Variants in PINX1 observed in about 807,000 individuals in gnomAD.
The protein encoded by PINX1 is PIN2/TERF1-interacting telomerase inhibitor 1.
In PINX1, 34 loss-of-function variants were observed where a neutral mutation model predicts 25.4. The ratio of observed to expected loss-of-function variants is 1.34; its 90% CI spans 1.02 to 1.78. The LOEUF is 1.78. Among genes scored for constraint, PINX1 ranks in the 40% most tolerant of loss-of-function variants. The pLI, the probability that PINX1 is intolerant of heterozygous loss-of-function variation, is 0.00. For missense variants in PINX1, 592 were observed against 404.9 expected (o/e 1.46, Z -3.97); for synonymous variants, 197 against 147.7 (o/e 1.33, Z -2.42).
chr8:10,792,030 C>T (rs1183220516), intron 6 of PINX1, among the ~76,000 whole-genome samples: 3 of 152,190 alleles, frequency 2.0e-5, no homozygotes, highest in Non-Finnish European at 2.9e-5. Flanking sequence ...CCCCTCTCTC[C>T]CGCTCAGGAC....
At chr8:10,828,370 C>T (rs1036068744) in intron 4 of PINX1, among the ~76,000 whole-genome samples, 2 of 152,178 alleles carry the variant, frequency 1.3e-5, no homozygotes, top group African/African-American at 4.8e-5. Flanking sequence ...GTATGAGGGA[C>T]GAGGCGCTGG....
At chr8:10,832,815 G>T in intron 3 of PINX1, 77 bp downstream of exon 3, 1 of 802,108 alleles carries the variant, frequency 1.2e-6, no homozygotes, top group Non-Finnish European at 2.1e-6. Context: ...AGAAGCAGAT[G>T]AACCAATCAA....
At chr8:10,816,766 A>G (rs184605561) in intron 6 of PINX1, among the ~76,000 whole-genome samples, 1 of 152,354 alleles carries the variant, frequency 6.6e-6, no homozygotes, top group Non-Finnish European at 1.5e-5. Flanking sequence ...TAAATGAGAA[A>G]GAGTTCATTA....
At position 10,834,582 on chromosome 8, in the gene PINX1, T is replaced by C. The variant is rs1006935904; in HGVS notation, c.129+84A>G. 5 of 1,503,054 alleles carry C rather than the reference T, an allele frequency of 3.3e-6. No homozygotes were observed. The Admixed American group carries it at 9.4e-5, about 28-fold the overall frequency. The allele number at this position is 1,503,054 out of a possible 1,614,324, so 93.1% of individuals were successfully genotyped here. A position where few individuals can be genotyped will look rare whatever the true frequency, so the allele number is the denominator to read the frequency against. Reference sequence around the variant, plus strand: ...TTACTGATCCAAAGCATAAGTTTCTTCCAGTCTCCTAAGAAGGAAGTTTTC... The same window carrying C: ...TTACTGATCCAAAGCATAAGTTTCTCCCAGTCTCCTAAGAAGGAAGTTTTC... On this transcript the variant is annotated intron_variant, in intron 2 of 6. Transcript: ENST00000314787.
chr8:10,822,057 C>G (rs1797895040), intron 5 of PINX1: 1 of 152,278 alleles, frequency 6.6e-6, no homozygotes, highest in African/African-American at 2.4e-5. Context: ...AAATTTTTAG[C>G]CTTTAGCAAA....
chr8:10,800,445 T>C (rs965529165), intron 6 of PINX1, among the ~76,000 whole-genome samples: 2 of 152,144 alleles, frequency 1.3e-5, no homozygotes, highest in Non-Finnish European at 2.9e-5. Flanking sequence ...ATGGAGTTTA[T>C]TTACATGATC....
chr8:10,789,340 G>C (rs901712570), intron 6 of PINX1, among the ~76,000 whole-genome samples: 3 of 152,222 alleles, frequency 2.0e-5, no homozygotes, highest in African/African-American at 7.2e-5. Context: ...TGTGCCATGT[G>C]ATGTTTTGAC....
chr8:10,823,038 T>C (rs942976526), intron 5 of PINX1, among the ~76,000 whole-genome samples: 1 of 152,156 alleles, frequency 6.6e-6, no homozygotes, highest in Non-Finnish European at 1.5e-5. Flanking sequence ...AAAGACACCA[T>C]AAACCAGGAA....
intron 6 of PINX1, among the ~76,000 whole-genome samples, chr8:10,816,225 C>T (rs1178513050): frequency 6.6e-6 from 1 of 152,164 alleles, no homozygotes; most frequent in Non-Finnish European, 1.5e-5. Context: ...ATGCCAATTT[C>T]CTGGTTTCAT....
intron 1 of PINX1, among the ~76,000 whole-genome samples, chr8:10,839,122 G>T (rs903033629): frequency 1.4e-4 from 22 of 152,150 alleles, no homozygotes; most frequent in Admixed American, 1.3e-3. Context: ...AGAGACAGGG[G>T]TTTCACCGAC....
chr8:10,812,260 G>A (rs1797546381), intron 6 of PINX1, among the ~76,000 whole-genome samples: 1 of 152,220 alleles, frequency 6.6e-6, no homozygotes, highest in African/African-American at 2.4e-5. Flanking sequence ...GCTCAAGTAT[G>A]TAAGAATCAA....
intron 6 of PINX1, among the ~76,000 whole-genome samples, chr8:10,781,036 G>C (rs1427899214): frequency 1.3e-5 from 2 of 152,074 alleles, no homozygotes; most frequent in African/African-American, 4.8e-5. Flanking sequence ...TTAGAGAACT[G>C]AAATAAATCT....
At chr8:10,836,447 G>GT (rs1207406476) in intron 1 of PINX1, among the ~76,000 whole-genome samples, 2 of 152,344 alleles carry the variant, frequency 1.3e-5, no homozygotes, top group Admixed American at 6.5e-5. Flanking sequence ...CAGAGTTCAT[G>GT]TGTCTATGCA....
chr8:10,820,116 G>C (rs924997896), intron 6 of PINX1, 77 bp downstream of exon 6: 2 of 919,186 alleles, frequency 2.2e-6, no homozygotes, highest in Non-Finnish European at 3.6e-6. Context: ...ACTAGTCATA[G>C]ATAGAAACAG....
intron 1 of PINX1, among the ~76,000 whole-genome samples, chr8:10,835,735 G>C (rs1038978270): frequency 1.3e-5 from 2 of 152,044 alleles, no homozygotes; most frequent in African/African-American, 4.8e-5. Context: ...CAATAAATAT[G>C]TGAATGGAAT....
At chr8:10,777,778 G>A (rs968745902) in intron 6 of PINX1, among the ~76,000 whole-genome samples, 3 of 152,148 alleles carry the variant, frequency 2.0e-5, no homozygotes, top group African/African-American at 7.2e-5. Flanking sequence ...CACTTTCATT[G>A]CTTCGCACTC....
chr8:10,788,560 G>A (rs536829322), intron 6 of PINX1, among the ~76,000 whole-genome samples: 1 of 151,376 alleles, frequency 6.6e-6, no homozygotes, highest in Non-Finnish European at 1.5e-5. Context: ...GCAAGACACT[G>A]TCTCAAAAAA....
At chr8:10,795,834 C>G (rs1427200335) in intron 6 of PINX1, among the ~76,000 whole-genome samples, 1 of 150,824 alleles carries the variant, frequency 6.6e-6, no homozygotes, top group African/African-American at 2.4e-5. Context: ...TGACAGTTAG[C>G]AAAAAACAAC....
At chr8:10,810,264 T>A (rs1278360629) in intron 6 of PINX1, among the ~76,000 whole-genome samples, 3 of 152,182 alleles carry the variant, frequency 2.0e-5, no homozygotes, top group Non-Finnish European at 4.4e-5. Flanking sequence ...ACTGTTTCCT[T>A]CCTTCCCAAC....
Sources: allele counts gnomAD v4.1 joint callset (sites outside exome capture counted in the v4.1 genomes callset), GRCh38; gene constraint gnomAD v4.1.1; transcripts MANE v1.5; gene names NCBI Gene and HGNC (gene_info 2026-07-23, HGNC 2026-07-21).